TECTA: variants seen among roughly 807,000 people sequenced by gnomAD.
TECTA encodes alpha-tectorin.
TECTA carries 128 observed loss-of-function variants against 216.8 expected under a neutral mutation model. The observed-to-expected ratio is 0.59, with a 90% CI of 0.51 to 0.68. The LOEUF (loss-of-function observed/expected upper bound fraction) is 0.68, where lower values mean the gene tolerates loss of function less well. Among genes scored for constraint, TECTA ranks in the 30% least tolerant of loss-of-function variants. The pLI, the probability that TECTA is intolerant of heterozygous loss-of-function variation, is 0.00. For synonymous variants in TECTA, 1,089 were observed against 1,117.1 expected, an observed-to-expected ratio of 0.97 and a Z score of 0.50; for missense variants, 2,551 against 2,786.2, an observed-to-expected ratio of 0.92 and a Z score of 1.90.
In TECTA at chr11:121,189,780, G is replaced by A. The variant is rs759590716; in HGVS notation, c.6267G>A (p.Glu2089=). 1.1e-5 allele frequency: 18 copies of A among 1,614,066 alleles called. No homozygotes were observed. Among genetic ancestry groups the A allele is most frequent in the Non-Finnish European group, 1.5e-5 (18 of 1,179,978 alleles). Residue 2089 remains glutamate, a synonymous_variant, in exon 23 of 24, where the codon GAG becomes GAA. Transcript: ENST00000392793. ...PIRRKRLDWC[E]DNGGCEQICT... Reference sequence around the variant, plus strand: ...CTTTTGTAGGGCTGGACTGGTGTGAGGACAATGGAGGGTGTGAGCAGATTT... The same window carrying A: ...CTTTTGTAGGGCTGGACTGGTGTGAAGACAATGGAGGGTGTGAGCAGATTT...
chr11:121,107,880 A>C (rs1341656048), intron 3 of TECTA, among the ~76,000 whole-genome samples: 1 of 152,218 alleles, frequency 6.6e-6, no homozygotes. Context: ...TAAAGTAGTC[A>C]TGCCTCCATT....
chr11:121,188,683 T>C (rs1457814520), intron 21 of TECTA, among the ~76,000 whole-genome samples: 1 of 152,246 alleles, frequency 6.6e-6, no homozygotes, highest in East Asian at 1.9e-4. Context: ...TGCAGCTTTA[T>C]GCTTACACCA....
rs1555127488 is a variant in TECTA, at chr11:121,158,005, C to A, written c.4470C>A (p.Ala1490=). The A allele has an allele frequency of 9.9e-6, 16 of 1,612,864 alleles. No individual in the cohort carries two copies. The highest frequency in any genetic ancestry group is 1.3e-5 in the Non-Finnish European group (15 of 1,179,914). The change falls in exon 14 of 24, where the codon GCC becomes GCA. Residue 1490 remains alanine, a synonymous_variant. Transcript: ENST00000392793. ...FSTKTSYCLA[A]GGGVFRTFDG... ...CCAAGACCTCCTACTGCCTGGCGGCCGGCGGCGGCGTCTTCCGCACCTTCG... is the reference window on the plus strand; with the variant it reads ...CCAAGACCTCCTACTGCCTGGCGGCAGGCGGCGGCGTCTTCCGCACCTTCG...
In TECTA at chr11:121,137,695, C is replaced by T. The variant is rs760328639; in HGVS notation, c.3216C>T (p.Cys1072=). The change falls in exon 11 of 24, where the codon TGC becomes TGT. Residue 1072 remains cysteine, a synonymous_variant. Coordinates refer to ENST00000392793, the MANE Select transcript of TECTA (RefSeq NM_005422.4). ...YCSGTDNRVH[C]ETIPCKDDEY... ...GTGGCACAGACAACAGGGTCCACTG[C>T]GAGACCATTCCCTGCAAGGATGATG... is the stretch of plus-strand genomic sequence containing the variant. 119 of 1,613,926 alleles carry T rather than the reference C, an allele frequency of 7.4e-5. No homozygotes were observed. Among genetic ancestry groups the T allele is most frequent in the East Asian group, 1.8e-4 (8 of 44,864 alleles).
intron 7 of TECTA, 109 bp from the exon 8 acceptor site, chr11:121,125,193 C>T (rs1946595873): frequency 1.7e-6 from 2 of 1,143,898 alleles, no homozygotes; most frequent in Non-Finnish European, 2.6e-6. Context: ...GTTTAGGTGG[C>T]CATTCTCTCT....
intron 12 of TECTA, among the ~76,000 whole-genome samples, chr11:121,152,389 C>T (rs151002030): frequency 6.6e-6 from 1 of 152,234 alleles, no homozygotes; most frequent in East Asian, 1.9e-4. Flanking sequence ...TGACATTGGT[C>T]GAAGAGGGAG....
intron 21 of TECTA, among the ~76,000 whole-genome samples, 175 bp from the exon 22 acceptor site, chr11:121,188,905 A>G (rs1947314005): frequency 6.6e-6 from 1 of 152,198 alleles, no homozygotes; most frequent in African/African-American, 2.4e-5. Flanking sequence ...TCTGTTCAAC[A>G]TACAGCCTAG....
chr11:121,190,575 G>A (rs1218329461), intron 23 of TECTA, 131 bp from the exon 24 acceptor site: 9 of 723,126 alleles, frequency 1.2e-5, no homozygotes, highest in African/African-American at 1.8e-5. Context: ...CTGCCTTAGG[G>A]CCATTTAGGT....
At chr11:121,178,517 AGTGTGTGTGTGTGTGT>A (rs3222565) in intron 20 of TECTA, among the ~76,000 whole-genome samples, 26 of 127,276 alleles carry the variant, frequency 2.0e-4, no homozygotes, top group African/African-American at 5.5e-4. Flanking sequence ...GCTTGTAGTT[AGTGTGTGTGTGTGTGT>A]GTGTGTGTGT....
chr11:121,108,097 A>T (rs1157853250), intron 3 of TECTA, among the ~76,000 whole-genome samples: 1 of 151,956 alleles, frequency 6.6e-6, no homozygotes, highest in Non-Finnish European at 1.5e-5. Context: ...TTTCTCTGAC[A>T]CTCCTCTTTT....
At chr11:121,170,427 T>G (rs1019345181) in intron 20 of TECTA, among the ~76,000 whole-genome samples, 7 of 151,824 alleles carry the variant, frequency 4.6e-5, no homozygotes, top group African/African-American at 1.7e-4. Context: ...TTTTTTGTTT[T>G]GTTTTGTTTT....
chr11:121,125,430 C>T lies in TECTA; in HGVS notation c.1332C>T (p.Tyr444=), dbSNP rs775483215. The change falls in exon 8 of 24, where the codon TAC becomes TAT. Residue 444 remains tyrosine, a synonymous_variant. Transcript: ENST00000392793. The part of the protein sequence containing the change: ...GLLVTFDGQH[Y]ASISVPGSYI... ...TAGTGACTTTTGATGGCCAGCACTACGCCTCCATTTCCGTCCCAGGCTCCT... is the reference window on the plus strand; with the variant it reads ...TAGTGACTTTTGATGGCCAGCACTATGCCTCCATTTCCGTCCCAGGCTCCT... 34 of 1,614,082 alleles carry T rather than the reference C, an allele frequency of 2.1e-5. No homozygotes were observed. The highest frequency in any genetic ancestry group is 1.6e-4 in the Middle Eastern group (1 of 6,084).
At position 121,157,957 on chromosome 11, in the gene TECTA, C is replaced by T. The variant is rs33981325; in HGVS notation, c.4422C>T (p.Asn1474=). Residue 1474 remains asparagine, a synonymous_variant, in exon 14 of 24, where the codon AAC becomes AAT. Coordinates refer to ENST00000392793, the MANE Select transcript of TECTA (RefSeq NM_005422.4). ...CAGACGAGGAGTGTGCGCTGCGCAACGGGGTGCGCGGCTGCTTCAGCACCA... is the reference window on the plus strand; with the variant it reads ...CAGACGAGGAGTGTGCGCTGCGCAATGGGGTGCGCGGCTGCTTCAGCACCA... ...CKSDEECALR[N]GVRGCFSTKT... The T allele has an allele frequency of 0.029, 47,243 of 1,613,760 alleles. 852 individuals are homozygous for T. Among genetic ancestry groups the T allele is most frequent in the Non-Finnish European group, 0.035 (40,768 of 1,179,986 alleles).
At chr11:121,116,025 C>T (rs1395451351) in intron 6 of TECTA, among the ~76,000 whole-genome samples, 1 of 152,186 alleles carries the variant, frequency 6.6e-6, no homozygotes, top group Non-Finnish European at 1.5e-5. Context: ...CTGCCCCTTT[C>T]CCTGTGCTGT....
chr11:121,125,088 A>C (rs1455051959), intron 7 of TECTA, among the ~76,000 whole-genome samples: 1 of 152,350 alleles, frequency 6.6e-6, no homozygotes, highest in Non-Finnish European at 1.5e-5. Flanking sequence ...ATCACAGCCC[A>C]TATACACAGT....
intron 4 of TECTA, among the ~76,000 whole-genome samples, chr11:121,112,533 T>A (rs1946450946): frequency 6.6e-6 from 1 of 152,210 alleles, no homozygotes; most frequent in Admixed American, 6.5e-5. Context: ...AAGTGCTTTT[T>A]AAAAATCACT....
rs1378514935 is a variant in TECTA at position 121,145,674 on chromosome 11, G to A, written c.3663G>A (p.Trp1221Ter). Residue 1221 changes from tryptophan to a stop codon, truncating the protein, a stop_gained, in exon 12 of 24, where the codon TGG becomes TGA. Transcript: ENST00000392793. LOFTEE classifies it high-confidence loss of function. ...TTGGCCTGAAGGTTGTATATGACTG[G>A]AAGACCTTCCTGTCCATCACAGTCC... ...TDFGLKVVYD[W>*]KTFLSITVPR... 3 of 1,614,208 alleles carry A rather than the reference G, an allele frequency of 1.9e-6. No homozygotes were observed. In the South Asian group the frequency reaches 3.3e-5, roughly 18 times the overall value.
At chr11:121,106,822 T>A (rs1376111824) in intron 3 of TECTA, among the ~76,000 whole-genome samples, 1 of 152,182 alleles carries the variant, frequency 6.6e-6, no homozygotes, top group Non-Finnish European at 1.5e-5. Context: ...TACCTAACGG[T>A]GGTCCCTGAA....
intron 3 of TECTA, among the ~76,000 whole-genome samples, chr11:121,108,288 TAC>T (rs371686379): frequency 2.0e-5 from 3 of 148,572 alleles, no homozygotes; most frequent in Non-Finnish European, 3.0e-5. Context: ...AGTACACACA[TAC>T]ACACACACAC....
Sources: gnomAD v4.1 joint callset for allele counts (sites outside exome capture counted in the v4.1 genomes callset) on GRCh38, gnomAD v4.1.1 for gene constraint, MANE v1.5 for transcripts, NCBI Gene and HGNC (gene_info 2026-07-23, HGNC 2026-07-21) for gene names.